MICAL1: variants seen among roughly 807,000 people sequenced by gnomAD.
The protein encoded by MICAL1 is microtubule associated monooxygenase, calponin and LIM domain containing 1, also known as [F-actin]-monooxygenase MICAL1.
MICAL1 carries 95 observed loss-of-function variants against 131.8 expected under a neutral mutation model. The ratio of observed to expected loss-of-function variants is 0.72; its 90% CI spans 0.61 to 0.86. The LOEUF (loss-of-function observed/expected upper bound fraction) is 0.86, where lower values mean the gene tolerates loss of function less well. Among genes scored for constraint, MICAL1 ranks in the 40% least tolerant of loss-of-function variants. MICAL1 has a pLI of 0.00. For synonymous variants in MICAL1, 546 were observed against 554.2 expected (o/e 0.99, Z 0.21); for missense variants, 1,292 against 1,380.6 (o/e 0.94, Z 1.02).
rs1390407419 is a variant in MICAL1 at position 109,454,204 on chromosome 6, T to G, written c.-8A>C. On this transcript the variant is annotated 5_prime_UTR_variant, in exon 2 of 25. Transcript: ENST00000358807. ...GGAGGTAGGTGAAGCCATGGAGGCC[T>G]CCTGGGGAGGGCAGCAGCTGGGCAG... 1 of 1,589,598 alleles carries G rather than the reference T, an allele frequency of 6.3e-7. No homozygotes were observed. Among genetic ancestry groups the G allele is most frequent in the Admixed American group, 1.8e-5 (1 of 55,990 alleles).
At chr6:109,456,260 C>T (rs1263194033), upstream of MICAL1, among the ~76,000 whole-genome samples, 2 of 152,142 alleles carry the variant, frequency 1.3e-5, no homozygotes, top group Non-Finnish European at 1.5e-5. Context: ...AGAGGGCGCT[C>T]AGGCTCCTCA....
intron 17 of MICAL1, 54 bp from the exon 18 acceptor site, chr6:109,446,826 G>T: frequency 6.7e-7 from 1 of 1,497,768 alleles, no homozygotes; most frequent in Non-Finnish European, 9.2e-7. Context: ...CCAGTGCCCA[G>T]ACACGCAACA....
Position 109,454,259 on chromosome 6 carries a change from A to C in MICAL1, c.-43-20T>G. On this transcript the variant is annotated intron_variant, in intron 1 of 24. Coordinates refer to ENST00000358807, the MANE Select transcript of MICAL1 (RefSeq NM_022765.4). ...GAGTGGCTGGAGAGGTGGAAAAAGAAGGGGAAGAGGCTGGAGAACAGAAGA... is the reference window on the plus strand; with the variant it reads ...GAGTGGCTGGAGAGGTGGAAAAAGACGGGGAAGAGGCTGGAGAACAGAAGA... 6.5e-7 allele frequency: 1 copy of C among 1,535,520 alleles called. No individual in the cohort carries two copies. Among genetic ancestry groups the C allele is most frequent in the Non-Finnish European group, 8.8e-7 (1 of 1,141,006 alleles).
intron 3 of MICAL1, 25 bp from the exon 4 acceptor site, chr6:109,453,392 C>A (rs1484128347): frequency 6.2e-7 from 1 of 1,608,042 alleles, no homozygotes; most frequent in African/African-American, 1.3e-5. Context: ...ACATTAGGAA[C>A]AGGGACCCTA....
intron 20 of MICAL1, 66 bp from the exon 21 acceptor site, chr6:109,445,595 G>T: frequency 6.3e-7 from 1 of 1,586,702 alleles, no homozygotes; most frequent in Non-Finnish European, 8.6e-7. Flanking sequence ...GTGTTGTTTG[G>T]AAAGGCAGAA....
chr6:109,455,766 C>T lies in MICAL1; in HGVS notation c.-91G>A. ...GGCCGCTTCCTGTTGGGCTGGCAAC[C>T]AGGTCTGAGCGGGTGGGAGGGCGGG... On this transcript the variant is annotated 5_prime_UTR_variant, in exon 1 of 25. Transcript: ENST00000358807. This position sits in a 1 kb window ranked among gnomAD's most constrained non-coding sequence, Gnocchi z 4.7. 2.5e-6 allele frequency: 2 copies of T among 805,436 alleles called. No homozygotes were observed. Among genetic ancestry groups the T allele is most frequent in the African/African-American group, 5.6e-5 (2 of 35,606 alleles). The allele number at this position is 805,436 out of a possible 1,614,324, so 49.9% of individuals were successfully genotyped here. A position where few individuals can be genotyped will look rare whatever the true frequency, so the allele number is the denominator to read the frequency against.
chr6:109,456,979 G>C (rs932720379), upstream of MICAL1, among the ~76,000 whole-genome samples: 1 of 152,108 alleles, frequency 6.6e-6, no homozygotes, highest in Non-Finnish European at 1.5e-5. Context: ...CTGTTACACT[G>C]GAAGCACTAA....
In MICAL1 at chr6:109,444,164, G is replaced by C. The variant is rs753037994; in HGVS notation, c.*27C>G. On this transcript the variant is annotated 3_prime_UTR_variant, in exon 25 of 25. Coordinates refer to ENST00000358807, the MANE Select transcript of MICAL1 (RefSeq NM_022765.4). ...CTGGGGTGAGGTGCTTTCTTTGTGG[G>C]AACGAAAGCAGACGGCCCACCCTCG... The C allele has an allele frequency of 6.2e-6, 10 of 1,603,908 alleles. No homozygotes were observed. Among genetic ancestry groups the C allele is most frequent in the Middle Eastern group, 4.2e-4 (2 of 4,724 alleles).
rs1383053162 is a variant in MICAL1, at chr6:109,453,832, C to T, written c.272G>A (p.Gly91Asp). Residue 91 changes from glycine to aspartate, a missense_variant, in exon 3 of 25, where the codon GGT becomes GAT. Gly to Asp is a moderately conservative substitution (Grantham distance 94). Transcript: ENST00000358807. Reference protein sequence around the residue: ...ACTSTKCLVVGAGPCGLRVAV... With the variant: ...ACTSTKCLVVDAGPCGLRVAV... ...GACCCGCAGCCCGCAAGGTCCAGCA[C>T]CCACCACCAGGCACTGTGAACACAC... is the stretch of plus-strand genomic sequence containing the variant. The T allele has an allele frequency of 1.2e-6, 2 of 1,613,326 alleles. No homozygotes were observed. Among genetic ancestry groups the T allele is most frequent in the African/African-American group, 2.7e-5 (2 of 74,950 alleles).
chr6:109,446,730 T>TTC lies in MICAL1; in HGVS notation c.2269_2270insGA (p.Lys757ArgfsTer148). On this transcript the variant is annotated frameshift_variant, in exon 18 of 25. Transcript: ENST00000358807. LOFTEE classifies it high-confidence loss of function. ...AGGGCCTCTATCGCTGCCTTCCGCT[T>TTC]TGTGGTCTGTCTGGGGCAGGTGCTG... 6.2e-7 allele frequency: 1 copy of TTC among 1,613,882 alleles called. No individual in the cohort carries two copies. The highest frequency in any genetic ancestry group is 8.5e-7 in the Non-Finnish European group (1 of 1,179,916).
chr6:109,455,027 C>G lies in MICAL1; in HGVS notation c.-44+692G>C, dbSNP rs565261185. ...CGGGTGCGCCCCTCCCAGGTTCCCC[C>G]CTCCCTGATCGACCCCTACCCCGCC... On this transcript the variant is annotated intron_variant, in intron 1 of 24. Transcript: ENST00000358807. This position sits in a 1 kb window ranked among gnomAD's most constrained non-coding sequence, Gnocchi z 4.7. 6.6e-6 allele frequency: 1 copy of G among 152,168 alleles called. No individual in the cohort carries two copies. Among genetic ancestry groups the G allele is most frequent in the African/African-American group, 2.4e-5 (1 of 41,436 alleles). The allele number at this position is 152,168 out of a possible 1,614,324, so 9.4% of individuals were successfully genotyped here. A position where few individuals can be genotyped will look rare whatever the true frequency, so the allele number is the denominator to read the frequency against.
rs375029072 is a variant in MICAL1, at chr6:109,445,763, C to T, written c.2673+8G>A. 1.9e-6 allele frequency: 3 copies of T among 1,608,174 alleles called. No homozygotes were observed. Among genetic ancestry groups the T allele is most frequent in the Non-Finnish European group, 2.5e-6 (3 of 1,177,608 alleles). ...GAGCGTTTTGTGGCTGCACGCTGGC[C>T]CACTCACCTGTTCCACATCTGAGTC... On this transcript the variant is annotated splice_region_variant and intron_variant, in intron 20 of 24. Coordinates refer to ENST00000358807, the MANE Select transcript of MICAL1 (RefSeq NM_022765.4).
Position 109,446,847 on chromosome 6 carries a change from G to A in MICAL1, c.2228-75C>T, listed in dbSNP as rs985672239. The A allele has an allele frequency of 4.9e-6, 7 of 1,421,188 alleles. No homozygotes were observed. In the African/African-American group the frequency reaches 8.5e-5, roughly 17 times the overall value. 88.0% of individuals were successfully genotyped at this position (1,421,188 alleles called of 1,614,324 possible). ...CCCAGACACGCAACAGTTTATGAAG[G>A]AAGGTGGGGAAAACAAGACAGATTT... On this transcript the variant is annotated intron_variant, in intron 17 of 24. Coordinates refer to ENST00000358807, the MANE Select transcript of MICAL1 (RefSeq NM_022765.4).
intron 6 of MICAL1, 187 bp downstream of exon 6, chr6:109,452,059 T>A: frequency 7.1e-7 from 1 of 1,413,230 alleles, no homozygotes; most frequent in South Asian, 1.6e-5. Context: ...CTTTTCATGC[T>A]GGGTGATCAA....
chr6:109,452,468 T>C, intron 5 of MICAL1, 43 bp downstream of exon 5: 1 of 1,611,838 alleles, frequency 6.2e-7, no homozygotes, highest in Non-Finnish European at 8.5e-7. Flanking sequence ...AGGCCCAGGA[T>C]GTGCCAGAGA....
At chr6:109,460,483 A>G (rs1350142287), upstream of MICAL1, among the ~76,000 whole-genome samples, 1 of 149,596 alleles carries the variant, frequency 6.7e-6, no homozygotes, top group Non-Finnish European at 1.5e-5. Flanking sequence ...AAAGCTGTTG[A>G]TGTCCCATGT....
intron 19 of MICAL1, 73 bp from the exon 20 acceptor site, chr6:109,445,935 G>A (rs1355261275): frequency 6.5e-7 from 1 of 1,548,306 alleles, no homozygotes; most frequent in Admixed American, 2.0e-5. Flanking sequence ...GCATGGTGGT[G>A]ACGGAGGCCC....
chr6:109,452,751 A>T, intron 4 of MICAL1, 136 bp from the exon 5 acceptor site: 2 of 642,798 alleles, frequency 3.1e-6, no homozygotes, highest in Non-Finnish European at 5.3e-6. Flanking sequence ...TATCTATCAG[A>T]TTACACCTTC....
chr6:109,446,520 G>A, intron 18 of MICAL1, 108 bp from the exon 19 acceptor site: 1 of 1,462,680 alleles, frequency 6.8e-7, no homozygotes, highest in Non-Finnish European at 9.5e-7. Flanking sequence ...ACAGTGTCTG[G>A]CTGTGTTTTA....
Sources: allele counts gnomAD v4.1 joint callset (sites outside exome capture counted in the v4.1 genomes callset), GRCh38; gene constraint gnomAD v4.1.1; non-coding constraint Gnocchi (gnomAD v3.1); transcripts MANE v1.5; gene names NCBI Gene and HGNC (gene_info 2026-07-23, HGNC 2026-07-21).